ZBTB16: variants seen among roughly 807,000 people sequenced by gnomAD.
The protein encoded by ZBTB16 is zinc finger and BTB domain containing 16, also known as zinc finger and BTB domain-containing protein 16.
Under a neutral mutation model 56.8 loss-of-function variants are expected in ZBTB16, and 8 were observed. That is an observed-to-expected ratio of 0.14 (90% CI 0.08 to 0.25). ZBTB16 has a LOEUF of 0.25. ZBTB16 is among the 10% of genes least tolerant of loss of function. ZBTB16 has a pLI of 1.00. For missense variants in ZBTB16, 625 were observed against 903.0 expected (o/e 0.69, Z 3.95); for synonymous variants, 363 against 368.5 (o/e 0.98, Z 0.17).
chr11:114,254,186 T>C lies in ZBTB16; in HGVS notation c.*3631T>C, dbSNP rs533606962. ...AGACAAATATATAGATATATAGATA[T>C]ATATATATATAGCAAGAGATTGATA... is the stretch of plus-strand genomic sequence containing the variant. On this transcript the variant is annotated 3_prime_UTR_variant, in exon 7 of 7. Transcript: ENST00000335953. Among the ~76,000 whole-genome samples, 4 of 147,618 alleles carry C rather than the reference T, an allele frequency of 2.7e-5. No homozygotes were observed. The highest frequency in any genetic ancestry group is 4.2e-4 in the South Asian group (2 of 4,770).
Position 114,256,383 on chromosome 11 carries a change from G to A in ZBTB16, c.*5828G>A, listed in dbSNP as rs560542881. Among the ~76,000 whole-genome samples the A allele has an allele frequency of 8.5e-5, 13 of 152,248 alleles. No individual in the cohort carries two copies. The highest frequency in any genetic ancestry group is 2.2e-4 in the African/African-American group (9 of 41,542). ...GCCGCCCTGGGGCTACCATGCTAGC[G>A]GGCCGCTGAGTCGGAATCCGTGGCT... On this transcript the variant is annotated 3_prime_UTR_variant, in exon 7 of 7. Transcript: ENST00000335953.
intron 3 of ZBTB16, 65 bp from the exon 4 acceptor site, chr11:114,186,886 GC>G: frequency 6.6e-7 from 1 of 1,512,360 alleles, no homozygotes. Context: ...CACAGTTGTG[GC>G]CCAGGACCTC....
chr11:114,096,976 C>A (rs1009438003), intron 2 of ZBTB16, among the ~76,000 whole-genome samples: 2 of 152,168 alleles, frequency 1.3e-5, no homozygotes, highest in African/African-American at 4.8e-5. Context: ...AAAGCAGGAA[C>A]TTGAACAGAT....
chr11:114,166,826 G>T (rs1267290490), intron 3 of ZBTB16, among the ~76,000 whole-genome samples: 5 of 152,164 alleles, frequency 3.3e-5, no homozygotes, highest in Admixed American at 2.0e-4. Flanking sequence ...ATAGCCCCAT[G>T]ACCTTTGGGG....
intron 4 of ZBTB16, among the ~76,000 whole-genome samples, chr11:114,216,914 G>A (rs1266922004): frequency 6.8e-6 from 1 of 147,086 alleles, no homozygotes; most frequent in African/African-American, 2.5e-5. Flanking sequence ...CAATTATAAT[G>A]CAGAATGCTG....
chr11:114,207,590 AAC>A (rs66489516), intron 4 of ZBTB16, among the ~76,000 whole-genome samples: 26,827 of 142,716 alleles, frequency 0.19, 2,289 homozygotes, highest in South Asian at 0.25. Context: ...ACACACACAC[AAC>A]ACACACACAC....
At chr11:114,074,353 G>T (rs1453988687) in intron 2 of ZBTB16, among the ~76,000 whole-genome samples, 1 of 152,234 alleles carries the variant, frequency 6.6e-6, no homozygotes, top group Non-Finnish European at 1.5e-5. Flanking sequence ...GATCCATCGG[G>T]CCCACAGTGC....
intron 4 of ZBTB16, chr11:114,188,877 C>T (rs994199512): frequency 3.9e-5 from 6 of 152,180 alleles, no homozygotes; most frequent in Admixed American, 3.9e-4. Flanking sequence ...GAAGGCCTCT[C>T]CAAGAAGGTG....
intron 2 of ZBTB16, among the ~76,000 whole-genome samples, chr11:114,126,726 AC>A (rs1941519106): frequency 6.6e-6 from 1 of 151,688 alleles, no homozygotes; most frequent in East Asian, 1.9e-4. Context: ...CTGGAGGGAG[AC>A]CCTGTGTGTC....
At chr11:114,220,151 G>A (rs747841562) in intron 4 of ZBTB16, among the ~76,000 whole-genome samples, 1 of 152,204 alleles carries the variant, frequency 6.6e-6, no homozygotes, top group Admixed American at 6.5e-5. Context: ...CTAATAGGCT[G>A]GTCATTCAGA....
intron 3 of ZBTB16, among the ~76,000 whole-genome samples, chr11:114,184,096 A>T (rs1325163941): frequency 1.3e-5 from 2 of 152,170 alleles, no homozygotes; most frequent in Non-Finnish European, 2.9e-5. Flanking sequence ...AAGTGAGTTC[A>T]TATCTTCCAT....
intron 4 of ZBTB16, among the ~76,000 whole-genome samples, chr11:114,241,698 G>A (rs1363147606): frequency 1.3e-5 from 2 of 152,168 alleles, no homozygotes; most frequent in African/African-American, 4.8e-5. Context: ...TAAGGGATGA[G>A]GATAACAGAG....
intron 2 of ZBTB16, among the ~76,000 whole-genome samples, chr11:114,095,140 T>G (rs1172372513): frequency 6.6e-6 from 1 of 152,072 alleles, no homozygotes; most frequent in African/African-American, 2.4e-5. Context: ...GGAATGAAGA[T>G]GCACGTGCAC....
Position 114,143,265 on chromosome 11 carries a change from T to G in ZBTB16, c.1269-13072T>G, listed in dbSNP as rs1942005145. Among the ~76,000 whole-genome samples, 1 of 152,228 alleles carries G rather than the reference T, an allele frequency of 6.6e-6. No individual in the cohort carries two copies. Among genetic ancestry groups the G allele is most frequent in the Admixed American group, 6.5e-5 (1 of 15,276 alleles). On this transcript the variant is annotated intron_variant, in intron 2 of 6. Transcript: ENST00000335953. The surrounding 1 kb of genome is among the most constrained non-coding windows in gnomAD (Gnocchi z 6.4). ...CCACCCCTCATCCATCCACTAATGC[T>G]GTGCCCTTTGCAAGGCTTGAGAATA...
intron 6 of ZBTB16, among the ~76,000 whole-genome samples, chr11:114,248,322 T>C (rs1368800826): frequency 1.3e-5 from 2 of 152,266 alleles, no homozygotes; most frequent in African/African-American, 4.8e-5. Flanking sequence ...TGGAGCTTGC[T>C]TGTGAAAGCT....
intron 2 of ZBTB16, among the ~76,000 whole-genome samples, chr11:114,100,341 C>T (rs1208059078): frequency 6.6e-6 from 1 of 152,150 alleles, no homozygotes; most frequent in Non-Finnish European, 1.5e-5. Context: ...GGCACTGGGT[C>T]AAACCCAGGG....
intron 2 of ZBTB16, among the ~76,000 whole-genome samples, chr11:114,065,658 G>A (rs1378341926): frequency 6.6e-6 from 1 of 152,076 alleles, no homozygotes; most frequent in Admixed American, 6.5e-5. Flanking sequence ...TCAGGTGATC[G>A]GCCTGCTTCG....
At chr11:114,153,600 G>A (rs536802007) in intron 2 of ZBTB16, among the ~76,000 whole-genome samples, 3 of 152,332 alleles carry the variant, frequency 2.0e-5, no homozygotes, top group South Asian at 2.1e-4. Flanking sequence ...AGGCCACTTG[G>A]ATTAGATTTT....
intron 3 of ZBTB16, among the ~76,000 whole-genome samples, chr11:114,158,756 A>G (rs1942494058): frequency 6.6e-6 from 1 of 152,224 alleles, no homozygotes; most frequent in Non-Finnish European, 1.5e-5. Flanking sequence ...CTCACCTTGA[A>G]TACATACCAC....
Sources: gnomAD v4.1 joint callset for allele counts (sites outside exome capture counted in the v4.1 genomes callset) on GRCh38, gnomAD v4.1.1 for gene constraint, Gnocchi (gnomAD v3.1) non-coding constraint, MANE v1.5 for transcripts, NCBI Gene and HGNC (gene_info 2026-07-23, HGNC 2026-07-21) for gene names.